Variants in PPP2R3B observed in about 807,000 individuals in gnomAD.
The protein encoded by PPP2R3B is protein phosphatase 2 regulatory subunit B''beta.
Under a neutral mutation model 72.9 loss-of-function variants are expected in PPP2R3B, and 68 were observed. The ratio of observed to expected loss-of-function variants is 0.93; its 90% CI spans 0.77 to 1.14. PPP2R3B has a LOEUF of 1.14. PPP2R3B is among the 50% of genes most tolerant of loss of function. PPP2R3B has a pLI of 0.00. For missense variants in PPP2R3B, 1,018 were observed against 842.0 expected (o/e 1.21, Z -2.59); for synonymous variants, 466 against 375.8 (o/e 1.24, Z -2.78).
At chrX:344,164 G>GAGACCTCACCAACGGGAGGCGGGAGT (rs2071142339) in intron 7 of PPP2R3B, among the ~76,000 whole-genome samples, 12 of 29,328 alleles carry the variant, frequency 4.1e-4, no homozygotes, top group South Asian at 1.3e-3. Context: ...GAGGCGGGAG[G>GAGACCTCACCAACGGGAGGCGGGAGT]GAGACCTCAC....
intron 2 of PPP2R3B, among the ~76,000 whole-genome samples, chrX:354,472 A>T (rs1331034110): frequency 6.6e-6 from 1 of 152,254 alleles, no homozygotes; most frequent in Non-Finnish European, 1.5e-5. Context: ...GGACCAAAGG[A>T]AAACCTCACT....
chrX:354,644 A>G lies in PPP2R3B; in HGVS notation c.510+6761T>C, dbSNP rs563482432. Among the ~76,000 whole-genome samples, 389 of 152,312 alleles carry G rather than the reference A, an allele frequency of 2.6e-3. 4 individuals carry two copies. Among genetic ancestry groups the G allele is most frequent in the African/African-American group, 9.0e-3 (376 of 41,582 alleles). ...GGCAAGAGGATCCTTCCAGCCCAGG[A>G]GTTCCAGACCAGCCTGGGCAACATA... On this transcript the variant is annotated intron_variant, in intron 2 of 12. Transcript: ENST00000390665.
intron 1 of PPP2R3B, among the ~76,000 whole-genome samples, chrX:382,094 C>T (rs1387244036): frequency 6.6e-6 from 1 of 152,084 alleles, no homozygotes; most frequent in Non-Finnish European, 1.5e-5. Context: ...CCCTGCACAC[C>T]CTGGCCGCCA....
intron 2 of PPP2R3B, 187 bp from the exon 3 acceptor site, chrX:347,880 T>C: frequency 1.8e-6 from 1 of 570,344 alleles, no homozygotes; most frequent in South Asian, 2.3e-5. Flanking sequence ...CAATCAGTCA[T>C]GAGAGCTGAG....
At chrX:339,202 G>A (rs775123504) in intron 10 of PPP2R3B, among the ~76,000 whole-genome samples, 6 of 150,580 alleles carry the variant, frequency 4.0e-5, no homozygotes, top group East Asian at 2.1e-4. Flanking sequence ...TACAGAGAAC[G>A]GAGCTCCCCG....
intron 1 of PPP2R3B, among the ~76,000 whole-genome samples, chrX:363,620 C>T (rs759808772): frequency 1.9e-5 from 1 of 53,404 alleles, no homozygotes; most frequent in East Asian, 6.1e-4. Context: ...CACAATGCAT[C>T]TCCCCGAGCC....
intron 2 of PPP2R3B, among the ~76,000 whole-genome samples, chrX:350,988 C>T (rs1165435670): frequency 6.6e-6 from 1 of 152,096 alleles, no homozygotes; most frequent in East Asian, 1.9e-4. Context: ...GTCGTCCTGA[C>T]AGGTGCAGGG....
intron 2 of PPP2R3B, among the ~76,000 whole-genome samples, chrX:355,125 T>C (rs1292703739): frequency 1.5e-5 from 2 of 137,214 alleles, no homozygotes; most frequent in Non-Finnish European, 3.1e-5. Flanking sequence ...CTGCCGGACT[T>C]AAAGGTTGAG....
At position 350,169 on chromosome X, in the gene PPP2R3B, C is replaced by T. The variant is rs1462440766; in HGVS notation, c.511-2476G>A. Among the ~76,000 whole-genome samples, 3 of 152,112 alleles carry T rather than the reference C, an allele frequency of 2.0e-5. No individual in the cohort carries two copies. In the East Asian group the frequency reaches 5.8e-4, roughly 29 times the overall value. On this transcript the variant is annotated intron_variant, in intron 2 of 12. Coordinates refer to ENST00000390665, the MANE Select transcript of PPP2R3B (RefSeq NM_013239.5). Reference sequence around the variant, plus strand: ...GTCGGGCACCGGTGGCCTAAGAGAGCAAGGGAAGGAAGTGAGTTGGGACAG... The same window carrying T: ...GTCGGGCACCGGTGGCCTAAGAGAGTAAGGGAAGGAAGTGAGTTGGGACAG...
intron 2 of PPP2R3B, among the ~76,000 whole-genome samples, chrX:354,823 G>A (rs2071406232): frequency 6.6e-6 from 1 of 152,212 alleles, no homozygotes; most frequent in South Asian, 2.1e-4. Context: ...CTGCACTCCA[G>A]CCCGGGGGCA....
chrX:348,306 T>C (rs2071265578), intron 2 of PPP2R3B, among the ~76,000 whole-genome samples: 1 of 152,068 alleles, frequency 6.6e-6, no homozygotes, highest in Non-Finnish European at 1.5e-5. Flanking sequence ...CTGGGCGTGG[T>C]GGCTCATGCC....
At chrX:348,252 C>T (rs1298589124) in intron 2 of PPP2R3B, among the ~76,000 whole-genome samples, 3 of 150,488 alleles carry the variant, frequency 2.0e-5, no homozygotes, top group African/African-American at 4.9e-5. Context: ...AATCAAAACT[C>T]GATGATTTGA....
chrX:341,446 T>G, intron 8 of PPP2R3B, 50 bp from the exon 9 acceptor site: 1 of 1,595,026 alleles, frequency 6.3e-7, no homozygotes, highest in Non-Finnish European at 8.6e-7. Context: ...CAGGGAGAGC[T>G]TCACAGGAAC....
At chrX:367,297 G>A (rs1368176474) in intron 1 of PPP2R3B, among the ~76,000 whole-genome samples, 2 of 151,506 alleles carry the variant, frequency 1.3e-5, no homozygotes, top group African/African-American at 4.9e-5. Flanking sequence ...AACAACGTAT[G>A]TTCAATTAAA....
Position 338,654 on chromosome X carries a change from C to T in PPP2R3B, c.1527G>A (p.Glu509=), listed in dbSNP as rs201245062. ...LSDWEKYAAE[E]YDILVAEETA... is the part of the protein sequence containing the mutation. ...TCTCCTCGGCCACCAGGATGTCGTA[C>T]TCCTCGGCCGCGTACTTCTCCCAGT... Residue 509 remains glutamate (E), a synonymous_variant, in exon 12 of 13, where the codon GAG becomes GAA. Coordinates refer to ENST00000390665, the MANE Select transcript of PPP2R3B (RefSeq NM_013239.5). 9.9e-6 allele frequency: 16 copies of T among 1,611,400 alleles called. No homozygotes were observed. In the East Asian group the frequency reaches 2.2e-4, roughly 22 times the overall value.
chrX:334,825 C>G (rs1333945180), intron 12 of PPP2R3B: 3 of 341,198 alleles, frequency 8.8e-6, no homozygotes, highest in African/African-American at 4.3e-5. Flanking sequence ...TGCACGGGAC[C>G]TGTGTTTACA....
Position 386,468 on chromosome X carries a change from C to A in PPP2R3B, c.224G>T (p.Gly75Val), listed in dbSNP as rs758638266. 7.0e-6 allele frequency: 9 copies of A among 1,290,994 alleles called. No homozygotes were observed. Among genetic ancestry groups the A allele is most frequent in the Admixed American group, 3.8e-5 (1 of 26,396 alleles). The allele number at this position is 1,290,994 out of a possible 1,614,324, so 80.0% of individuals were successfully genotyped here. A position where few individuals can be genotyped will look rare whatever the true frequency, so the allele number is the denominator to read the frequency against. ...APRPSGLEPPGTPGPGPALPL... is the reference protein window; with the variant it reads ...APRPSGLEPPVTPGPGPALPL... ...CAGCGCAGGGCCCGGCCCGGGGGTT[C>A]CCGGGGGTTCGAGCCCGCTGGGCCG... The change falls in exon 1 of 13, where the codon GGA becomes GTA. Residue 75 changes from glycine to valine, a missense_variant. By Grantham distance (109) the Gly-to-Val change is moderately radical. Coordinates refer to ENST00000390665, the MANE Select transcript of PPP2R3B (RefSeq NM_013239.5).
At chrX:379,626 A>C (rs1330918473) in intron 1 of PPP2R3B, among the ~76,000 whole-genome samples, 1 of 152,258 alleles carries the variant, frequency 6.6e-6, no homozygotes, top group Non-Finnish European at 1.5e-5. Context: ...GAGAAGAACT[A>C]AATAAACAGA....
chrX:371,219 T>C (rs2071854776), intron 1 of PPP2R3B, among the ~76,000 whole-genome samples: 1 of 151,932 alleles, frequency 6.6e-6, no homozygotes, highest in Admixed American at 6.5e-5. Context: ...TGCTGGGTCC[T>C]ACAGTGAGAG....
Sources: allele counts gnomAD v4.1 joint callset (sites outside exome capture counted in the v4.1 genomes callset), GRCh38; gene constraint gnomAD v4.1.1; transcripts MANE v1.5; gene names NCBI Gene and HGNC (gene_info 2026-07-23, HGNC 2026-07-21).